The following TCF7L2 variants were observed in gnomAD, a reference collection of about 807,000 sequenced individuals.
TCF7L2 encodes the protein transcription factor 7-like 2.
A neutral mutation model predicts 77.9 loss-of-function variants in TCF7L2; 23 were observed. That is an observed-to-expected ratio of 0.30 (90% CI 0.21 to 0.42). The LOEUF (loss-of-function observed/expected upper bound fraction) is 0.42, where lower values mean the gene tolerates loss of function less well. Ranked by LOEUF, TCF7L2 falls within the 10% of genes least tolerant of loss-of-function variation. TCF7L2 has a pLI of 1.00. For missense variants in TCF7L2, 654 were observed against 793.1 expected, an observed-to-expected ratio of 0.82 and a Z score of 2.11; for synonymous variants, 413 against 340.2, an observed-to-expected ratio of 1.21 and a Z score of -2.36.
chr10:113,106,374 C>T (rs998879822), intron 5 of TCF7L2, among the ~76,000 whole-genome samples: 3 of 152,192 alleles, frequency 2.0e-5, no homozygotes, highest in Non-Finnish European at 1.5e-5. Flanking sequence ...GACTAGAATC[C>T]AGATCTCTTG....
intron 11 of TCF7L2, among the ~76,000 whole-genome samples, chr10:113,154,665 G>C (rs1365772087): frequency 6.6e-6 from 1 of 151,598 alleles, no homozygotes; most frequent in African/African-American, 2.4e-5. Flanking sequence ...GAGGCTTTTT[G>C]TGACATACTT....
chr10:113,081,773 A>G (rs998789173), intron 5 of TCF7L2, among the ~76,000 whole-genome samples: 2 of 152,176 alleles, frequency 1.3e-5, no homozygotes, highest in African/African-American at 2.4e-5. Context: ...TCGAAATTAG[A>G]TGTGCCTTCA....
At chr10:113,142,076 C>T (rs2068485138) in intron 6 of TCF7L2, among the ~76,000 whole-genome samples, 3 of 152,214 alleles carry the variant, frequency 2.0e-5, no homozygotes, top group African/African-American at 7.2e-5. Flanking sequence ...ACAATTTTGG[C>T]TCCCTGCAAC....
intron 4 of TCF7L2, among the ~76,000 whole-genome samples, chr10:113,011,405 G>C (rs934091311): frequency 6.6e-6 from 1 of 152,176 alleles, no homozygotes; most frequent in Non-Finnish European, 1.5e-5. Context: ...TGAACTCTGT[G>C]TGCTAATGAG....
rs750661111 is a variant in TCF7L2, at chr10:113,151,914, G to T, written c.1161+30G>T. 3 of 1,577,496 alleles carry T rather than the reference G, an allele frequency of 1.9e-6. No individual in the cohort carries two copies. The highest frequency in any genetic ancestry group is 1.9e-5 in the Admixed American group (1 of 51,634). ...GTGACGCCCTTCTCAGGGAGAAGCG[G>T]GGGGCGGGTGGTGAGGGACCAGAGT... On this transcript the variant is annotated intron_variant, in intron 10 of 13. Coordinates refer to ENST00000627217, the MANE Select transcript of TCF7L2 (RefSeq NM_001146274.2). This position sits in a 1 kb window ranked among gnomAD's most constrained non-coding sequence, Gnocchi z 5.2.
chr10:113,132,002 G>C (rs891965644), intron 5 of TCF7L2: 1 of 152,222 alleles, frequency 6.6e-6, no homozygotes, highest in African/African-American at 2.4e-5. Flanking sequence ...TCATTTTCAC[G>C]CGTGTTATTT....
rs1018343939 is a variant in TCF7L2, at chr10:113,164,303, A to G, written c.1392-1252A>G. ...GAAGGGCTCTGAAATTCTCATTCCT[A>G]TTTCTTACATGAATGAGTAGTGAAG... On this transcript the variant is annotated intron_variant, in intron 13 of 13. Transcript: ENST00000627217. Among the ~76,000 whole-genome samples the G allele has an allele frequency of 2.0e-5, 3 of 152,266 alleles. 1 individual carries two copies. The highest frequency in any genetic ancestry group is 4.1e-4 in the South Asian group (2 of 4,828).
At position 112,950,893 on chromosome 10, in the gene TCF7L2, C is replaced by A. The variant is rs1177321517; in HGVS notation, c.137C>A (p.Ser46Ter). 1 of 1,612,356 alleles carries A rather than the reference C, an allele frequency of 6.2e-7. No homozygotes were observed. Among genetic ancestry groups the A allele is most frequent in the Non-Finnish European group, 8.5e-7 (1 of 1,179,472 alleles). The change falls in exon 1 of 14, where the codon TCG becomes TAG. Residue 46 changes from serine (S) to a stop codon, truncating the protein, a stop_gained. Transcript: ENST00000627217. LOFTEE classifies it high-confidence loss of function. ...GAGAGGGATTTAGCTGATGTCAAAT[C>A]GTCTCTAGTCAATGAATCAGAAACG...
intron 5 of TCF7L2, among the ~76,000 whole-genome samples, chr10:113,097,748 T>A (rs2061199943): frequency 1.3e-5 from 2 of 149,988 alleles, no homozygotes; most frequent in Admixed American, 6.7e-5. Flanking sequence ...CATCTTTTAC[T>A]GGCTTCAGAA....
chr10:112,991,627 C>T (rs1007902602), intron 4 of TCF7L2, among the ~76,000 whole-genome samples: 14 of 152,138 alleles, frequency 9.2e-5, no homozygotes, highest in African/African-American at 3.4e-4. Context: ...GCTACAGGGA[C>T]AGCCAGCTCT....
intron 5 of TCF7L2, among the ~76,000 whole-genome samples, chr10:113,077,848 G>T (rs1466663251): frequency 1.4e-4 from 20 of 148,014 alleles, no homozygotes; most frequent in Admixed American, 1.4e-4. Flanking sequence ...ATGCCACCAC[G>T]CCTGGCTTGC....
intron 5 of TCF7L2, chr10:113,125,681 A>G (rs2065471151): frequency 6.6e-6 from 1 of 152,246 alleles, no homozygotes; most frequent in Non-Finnish European, 1.5e-5. Context: ...AGGGCCTTCC[A>G]AAGTTACCGG....
At chr10:113,146,599 C>T (rs1439522603) in intron 8 of TCF7L2, among the ~76,000 whole-genome samples, 1 of 151,080 alleles carries the variant, frequency 6.6e-6, no homozygotes, top group East Asian at 1.9e-4. Flanking sequence ...TTCGTAGTAG[C>T]CGTGTTTTTA....
chr10:112,965,258 C>G (rs1347785885), intron 4 of TCF7L2, among the ~76,000 whole-genome samples: 3 of 152,172 alleles, frequency 2.0e-5, no homozygotes, highest in African/African-American at 4.8e-5. Flanking sequence ...GTTTCCTGCT[C>G]ACGTAGTACT....
At chr10:112,995,181 A>C (rs2043241721) in intron 4 of TCF7L2, among the ~76,000 whole-genome samples, 1 of 152,210 alleles carries the variant, frequency 6.6e-6, no homozygotes, top group Non-Finnish European at 1.5e-5. Flanking sequence ...CTCTGGGTAG[A>C]GATGGGAACC....
chr10:113,094,390 T>C (rs1766357953), intron 5 of TCF7L2, among the ~76,000 whole-genome samples: 1 of 152,224 alleles, frequency 6.6e-6, no homozygotes, highest in Admixed American at 6.5e-5. Context: ...ATTTCCTGGG[T>C]ACTGTATTTT....
At position 113,143,980 on chromosome 10, in the gene TCF7L2, G is replaced by C. The variant is rs2136930191; in HGVS notation, c.743G>C (p.Gly248Ala). The C allele has an allele frequency of 6.2e-7, 1 of 1,614,072 alleles. No individual in the cohort carries two copies. The highest frequency in any genetic ancestry group is 2.2e-5 in the East Asian group (1 of 44,868). Residue 248 changes from glycine (G) to alanine (A), a missense_variant, in exon 7 of 14, where the codon GGC becomes GCC. Coordinates refer to ENST00000627217, the MANE Select transcript of TCF7L2 (RefSeq NM_001146274.2). Reference sequence around the variant, plus strand: ...TCCCCGTATTACCCACTATCGCCTGGCACCGTAGGACAAATCCCCCATCCG... The same window carrying C: ...TCCCCGTATTACCCACTATCGCCTGCCACCGTAGGACAAATCCCCCATCCG...
chr10:113,009,096 C>T (rs902927255), intron 4 of TCF7L2, among the ~76,000 whole-genome samples: 2 of 152,012 alleles, frequency 1.3e-5, no homozygotes, highest in African/African-American at 2.4e-5. Flanking sequence ...CCACCAGGCC[C>T]GACTAATTTT....
intron 6 of TCF7L2, among the ~76,000 whole-genome samples, chr10:113,142,082 G>A (rs983739880): frequency 2.8e-4 from 42 of 152,332 alleles, no homozygotes; most frequent in African/African-American, 1.0e-3. Flanking sequence ...TTGGCTCCCT[G>A]CAACCTCTGC....
Sources: allele counts gnomAD v4.1 joint callset (sites outside exome capture counted in the v4.1 genomes callset), GRCh38; gene constraint gnomAD v4.1.1; non-coding constraint Gnocchi (gnomAD v3.1); transcripts MANE v1.5; gene names NCBI Gene and HGNC (gene_info 2026-07-23, HGNC 2026-07-21).